PTPRB: variants seen among roughly 807,000 people sequenced by gnomAD.
The protein encoded by PTPRB is receptor-type tyrosine-protein phosphatase beta.
In PTPRB, 97 loss-of-function variants were observed where a neutral mutation model predicts 238.1. The ratio of observed to expected loss-of-function variants is 0.41; its 90% CI spans 0.35 to 0.48. The LOEUF is 0.48. Among genes scored for constraint, PTPRB ranks in the 20% least tolerant of loss-of-function variants. The pLI is 0.30. For synonymous variants in PTPRB, 970 were observed against 995.4 expected, an observed-to-expected ratio of 0.97 and a Z score of 0.48; for missense variants, 2,292 against 2,681.9, an observed-to-expected ratio of 0.85 and a Z score of 3.21.
At chr12:70,622,280 T>C in intron 3 of PTPRB, 110 bp downstream of exon 3, 2 of 1,432,400 alleles carry the variant, frequency 1.4e-6, no homozygotes, top group Non-Finnish European at 1.9e-6. Context: ...AGGGTGAGAG[T>C]GCCTAATCCC....
chr12:70,564,314 C>T (rs1030858661), intron 15 of PTPRB, among the ~76,000 whole-genome samples: 3 of 151,744 alleles, frequency 2.0e-5, no homozygotes, highest in African/African-American at 4.8e-5. Context: ...GAGTTCAAGA[C>T]CAGCCTGGCC....
chr12:70,629,399 G>A (rs777634757), intron 2 of PTPRB, among the ~76,000 whole-genome samples: 1 of 152,186 alleles, frequency 6.6e-6, no homozygotes. Flanking sequence ...TGAAACCAAT[G>A]AGAACAAAGA....
At chr12:70,562,802 C>A (rs1878665737) in intron 16 of PTPRB, 42 bp downstream of exon 16, 1 of 1,594,422 alleles carries the variant, frequency 6.3e-7, no homozygotes, top group Non-Finnish European at 8.6e-7. Flanking sequence ...AATACCGGGA[C>A]AATTCCCCCA....
intron 20 of PTPRB, among the ~76,000 whole-genome samples, chr12:70,553,889 A>T (rs367987967): frequency 6.6e-6 from 1 of 152,326 alleles, no homozygotes; most frequent in East Asian, 1.9e-4. Context: ...TTGTTATCTT[A>T]GCTAACCTGG....
At chr12:70,545,202 A>G (rs1043514015) in intron 21 of PTPRB, among the ~76,000 whole-genome samples, 1 of 152,186 alleles carries the variant, frequency 6.6e-6, no homozygotes, top group African/African-American at 2.4e-5. Flanking sequence ...TGGAGGTGTC[A>G]CCTACTAACA....
intron 4 of PTPRB, chr12:70,608,819 C>T (rs746818817): frequency 1.9e-5 from 9 of 468,444 alleles, no homozygotes; most frequent in South Asian, 4.0e-5. Context: ...CTTTGCTGAC[C>T]GCCCTGCACC....
intron 2 of PTPRB, among the ~76,000 whole-genome samples, chr12:70,630,659 T>C (rs928084459): frequency 4.6e-5 from 7 of 152,220 alleles, no homozygotes; most frequent in Non-Finnish European, 4.4e-5. Flanking sequence ...TGATTGTATA[T>C]TTAGAAAATC....
intron 16 of PTPRB, among the ~76,000 whole-genome samples, chr12:70,562,101 T>A (rs7969714): frequency 0.16 from 24,165 of 152,050 alleles, 2,048 homozygotes; most frequent in Non-Finnish European, 0.19. Context: ...GAGGCCCCCA[T>A]CTCTACAAAA....
chr12:70,569,229 A>G (rs1370361009), intron 14 of PTPRB, among the ~76,000 whole-genome samples: 5 of 151,920 alleles, frequency 3.3e-5, no homozygotes, highest in Non-Finnish European at 7.4e-5. Context: ...CAGCCTTCCA[A>G]GCAGCTGGGA....
At chr12:70,548,690 C>T (rs1876447906) in intron 21 of PTPRB, among the ~76,000 whole-genome samples, 1 of 152,052 alleles carries the variant, frequency 6.6e-6, no homozygotes, top group Non-Finnish European at 1.5e-5. Flanking sequence ...AAAACTTTTC[C>T]AAAAATGAAT....
rs199774703 is a variant in PTPRB at position 70,599,905 on chromosome 12, GGCTATAGT to G, written c.980-3586_980-3579del. Reference sequence around the variant, plus strand: ...GGGTTGCTTGGGTCCAGGTATTGGAGGCTATAGTGCATCATAATAGTGCCTGTGAATAG... The same window carrying G: ...GGGTTGCTTGGGTCCAGGTATTGGAGGCATCATAATAGTGCCTGTGAATAG... On this transcript the variant is annotated intron_variant, in intron 4 of 33. Coordinates refer to ENST00000334414, the MANE Select transcript of PTPRB (RefSeq NM_001109754.4). Among the ~76,000 whole-genome samples, 1,156 of 152,020 alleles carry G rather than the reference GGCTATAGT, an allele frequency of 7.6e-3. 8 individuals are homozygous for G. Among genetic ancestry groups the G allele is most frequent in the African/African-American group, 0.026 (1,083 of 41,444 alleles).
In PTPRB at chr12:70,619,157, AGTGTGTGTGTGT is replaced by A. The variant is rs3049143; in HGVS notation, c.708+3221_708+3232del. ...GAATATGTGACTAGATGTTTAGGGGAGTGTGTGTGTGTGTGTGTGTGTGTGTGTGTGTGTGTA... is the reference window on the plus strand; with the variant it reads ...GAATATGTGACTAGATGTTTAGGGGAGTGTGTGTGTGTGTGTGTGTGTGTA... On this transcript the variant is annotated intron_variant, in intron 3 of 33. Transcript: ENST00000334414. Among the ~76,000 whole-genome samples the A allele has an allele frequency of 3.5e-5, 5 of 142,198 alleles. No homozygotes were observed. In the East Asian group the frequency reaches 6.3e-4, roughly 18 times the overall value. 93.3% of individuals were successfully genotyped at this position (142,198 alleles called of 152,430 possible). A position where few individuals can be genotyped will look rare whatever the true frequency, so the allele number is the denominator to read the frequency against.
chr12:70,532,886 T>G (rs1428452967), intron 31 of PTPRB, among the ~76,000 whole-genome samples: 2 of 152,204 alleles, frequency 1.3e-5, no homozygotes, highest in East Asian at 3.8e-4. Context: ...CCTCAAGTGA[T>G]CCTTCCACTT....
At chr12:70,593,513 CAAAAA>C (rs71437149) in intron 6 of PTPRB, among the ~76,000 whole-genome samples, 1 of 36,698 alleles carries the variant, frequency 2.7e-5, no homozygotes, top group African/African-American at 1.1e-4. Context: ...AACTCTGTCT[CAAAAA>C]AAAAAAAAAA....
intron 4 of PTPRB, among the ~76,000 whole-genome samples, chr12:70,599,951 A>G (rs1033676814): frequency 1.1e-4 from 16 of 149,216 alleles, no homozygotes; most frequent in Admixed American, 2.7e-4. Flanking sequence ...ACTGCACTTC[A>G]GCCTGGGCAA....
intron 2 of PTPRB, among the ~76,000 whole-genome samples, chr12:70,626,166 A>G (rs1420716845): frequency 6.7e-6 from 1 of 148,434 alleles, no homozygotes; most frequent in Non-Finnish European, 1.5e-5. Context: ...GATTTTAACT[A>G]TACTGGTACT....
chr12:70,604,730 C>A (rs1883800406), intron 4 of PTPRB, among the ~76,000 whole-genome samples: 1 of 152,066 alleles, frequency 6.6e-6, no homozygotes, highest in African/African-American at 2.4e-5. Flanking sequence ...TAAAATGGGG[C>A]CATTAGAGCG....
intron 32 of PTPRB, 67 bp from the exon 33 acceptor site, chr12:70,524,658 C>T: frequency 1.4e-6 from 2 of 1,472,702 alleles, no homozygotes; most frequent in Non-Finnish European, 1.8e-6. Flanking sequence ...GAGAAACTCA[C>T]AAACTGTTGA....
rs929880101 is a variant in PTPRB, at chr12:70,516,682, T to C, written c.*4807A>G. ...TTATTAAAATAGCTATAACCAATTC[T>C]TTTTGTGACTGTTCTAGAAGGGACA... On this transcript the variant is annotated 3_prime_UTR_variant, in exon 34 of 34. Coordinates refer to ENST00000334414, the MANE Select transcript of PTPRB (RefSeq NM_001109754.4). 3.9e-5 allele frequency: 6 copies of C among 152,238 alleles called. No homozygotes were observed. Among genetic ancestry groups the C allele is most frequent in the African/African-American group, 1.2e-4 (5 of 41,476 alleles). 9.4% of individuals were successfully genotyped at this position (152,238 alleles called of 1,614,324 possible). A position where few individuals can be genotyped will look rare whatever the true frequency, so the allele number is the denominator to read the frequency against.
Sources: allele counts gnomAD v4.1 joint callset (sites outside exome capture counted in the v4.1 genomes callset), GRCh38; gene constraint gnomAD v4.1.1; transcripts MANE v1.5; gene names NCBI Gene and HGNC (gene_info 2026-07-23, HGNC 2026-07-21).